KLF12: variants seen among roughly 807,000 people sequenced by gnomAD.
The protein encoded by KLF12 is Krueppel-like factor 12.
A neutral mutation model predicts 37.8 loss-of-function variants in KLF12; 9 were observed. That is an observed-to-expected ratio of 0.24 (90% CI 0.14 to 0.42). The LOEUF (loss-of-function observed/expected upper bound fraction) is 0.42. Ranked by LOEUF, KLF12 falls within the 10% of genes least tolerant of loss-of-function variation. KLF12 has a pLI of 1.00. For synonymous variants in KLF12, 208 were observed against 202.1 expected, an observed-to-expected ratio of 1.03 and a Z score of -0.25; for missense variants, 411 against 516.0, an observed-to-expected ratio of 0.80 and a Z score of 1.97.
the KLF12 span, among the ~76,000 whole-genome samples, chr13:74,142,466 G>A: frequency 6.6e-6 from 1 of 152,138 alleles, no homozygotes; most frequent in South Asian, 2.1e-4. Flanking sequence ...ATTTTTGTTG[G>A]GGTCAGTTTT....
intron 6 of KLF12, among the ~76,000 whole-genome samples, chr13:73,716,888 A>G (rs1257242720): frequency 6.6e-6 from 1 of 152,176 alleles, no homozygotes; most frequent in Non-Finnish European, 1.5e-5. Context: ...CTCCAAAATC[A>G]GAATGCTTCT....
chr13:74,251,403 C>T, the KLF12 span, among the ~76,000 whole-genome samples: 4 of 152,226 alleles, frequency 2.6e-5, no homozygotes, highest in East Asian at 7.7e-4. Flanking sequence ...ACCTTGGCCT[C>T]CCAAAGGGCT....
At chr13:73,940,353 C>T (rs1890133905) in intron 3 of KLF12, among the ~76,000 whole-genome samples, 1 of 152,194 alleles carries the variant, frequency 6.6e-6, no homozygotes, top group East Asian at 1.9e-4. Context: ...GCAAGAAAAC[C>T]GAAGTCACAT....
intron 3 of KLF12, among the ~76,000 whole-genome samples, chr13:73,889,702 A>G (rs1440603463): frequency 2.0e-5 from 3 of 152,110 alleles, no homozygotes; most frequent in African/African-American, 7.2e-5. Flanking sequence ...ATATATTTTT[A>G]AAGTATAAGC....
At chr13:74,039,319 G>A (rs1165994862) in intron 1 of KLF12, among the ~76,000 whole-genome samples, 1 of 152,038 alleles carries the variant, frequency 6.6e-6, no homozygotes, top group East Asian at 1.9e-4. Flanking sequence ...CAGGAGGAGT[G>A]CTTGAGTTCA....
chr13:73,984,056 G>C (rs1236338161), intron 2 of KLF12, among the ~76,000 whole-genome samples: 1 of 152,196 alleles, frequency 6.6e-6, no homozygotes, highest in Non-Finnish European at 1.5e-5. Context: ...GGAAAGAACA[G>C]GAACCAACAG....
chr13:74,275,799 T>TTCC, the KLF12 span, among the ~76,000 whole-genome samples: 23 of 72,008 alleles, frequency 3.2e-4, no homozygotes, highest in Non-Finnish European at 4.5e-4. Context: ...TCTTTCTTTC[T>TTCC]TTCTTTCCTT....
intron 2 of KLF12, among the ~76,000 whole-genome samples, chr13:73,986,357 T>C (rs376138580): frequency 4.1e-4 from 63 of 152,288 alleles, no homozygotes; most frequent in African/African-American, 1.4e-3. Context: ...TTTCTTCCAA[T>C]CACAAGAAGG....
the KLF12 span, among the ~76,000 whole-genome samples, chr13:74,217,187 G>T: frequency 6.6e-6 from 1 of 151,854 alleles, no homozygotes; most frequent in Non-Finnish European, 1.5e-5. Context: ...GTAAAGAAAA[G>T]GGTGGACTTT....
At position 73,803,386 on chromosome 13, in the gene KLF12, T is replaced by C. The variant is rs76023014; in HGVS notation, c.806+9766A>G. On this transcript the variant is annotated intron_variant, in intron 5 of 7. Transcript: ENST00000377669. ...GCTCTTCCTTTAGCTGTCCATGTGG[T>C]TTGACCTCCTACCCTTTCAAGTCTC... is the stretch of plus-strand genomic sequence containing the variant. Among the ~76,000 whole-genome samples, 1,307 of 152,264 alleles carry C rather than the reference T, an allele frequency of 8.6e-3. 20 individuals carry two copies. Among genetic ancestry groups the C allele is most frequent in the African/African-American group, 0.03 (1,232 of 41,550 alleles).
intron 4 of KLF12, among the ~76,000 whole-genome samples, chr13:73,844,000 CT>C (rs1884884830): frequency 6.6e-6 from 1 of 152,080 alleles, no homozygotes; most frequent in Non-Finnish European, 1.5e-5. Context: ...AAAAATCTCT[CT>C]CACAAAATGA....
At chr13:73,875,400 A>AAATCTC (rs1320646457) in intron 3 of KLF12, among the ~76,000 whole-genome samples, 1 of 152,178 alleles carries the variant, frequency 6.6e-6, no homozygotes, top group Non-Finnish European at 1.5e-5. Context: ...GAAAAATGTC[A>AAATCTC]AATCTCAAAA....
intron 2 of KLF12, among the ~76,000 whole-genome samples, chr13:73,991,526 A>C (rs961985103): frequency 2.0e-5 from 3 of 152,230 alleles, no homozygotes; most frequent in Non-Finnish European, 2.9e-5. Context: ...TTTTCACAAG[A>C]ATGTCCTTTT....
At chr13:73,998,111 T>G (rs1307869746) in intron 1 of KLF12, among the ~76,000 whole-genome samples, 1 of 152,172 alleles carries the variant, frequency 6.6e-6, no homozygotes, top group Non-Finnish European at 1.5e-5. Flanking sequence ...CAGTACACCC[T>G]GGACAACAGA....
At chr13:73,715,567 C>G in intron 6 of KLF12, 42 bp from the exon 7 acceptor site, 1 of 1,596,236 alleles carries the variant, frequency 6.3e-7, no homozygotes, top group Non-Finnish European at 8.6e-7. Flanking sequence ...AGATGCACAC[C>G]GCCCCATTTT....
At chr13:73,893,360 C>G (rs2139033702) in intron 3 of KLF12, among the ~76,000 whole-genome samples, 1 of 132,462 alleles carries the variant, frequency 7.5e-6, no homozygotes, top group East Asian at 2.3e-4. Flanking sequence ...ACTCAATCAA[C>G]AATATTGACT....
At chr13:74,216,236 T>C in the KLF12 span, among the ~76,000 whole-genome samples, 2 of 152,192 alleles carry the variant, frequency 1.3e-5, no homozygotes, top group African/African-American at 4.8e-5. Flanking sequence ...TTTTAAAAAG[T>C]CTTTTTAAAG....
chr13:74,099,836 TAA>T (rs5804717), intron 1 of KLF12, among the ~76,000 whole-genome samples: 1 of 152,090 alleles, frequency 6.6e-6, no homozygotes, highest in South Asian at 2.1e-4. Flanking sequence ...TCTTTTTATT[TAA>T]AAAAAAAGTG....
At chr13:74,065,333 A>C (rs76888409) in intron 1 of KLF12, among the ~76,000 whole-genome samples, 1 of 152,164 alleles carries the variant, frequency 6.6e-6, no homozygotes, top group African/African-American at 2.4e-5. Context: ...TCATGGTCAT[A>C]TTCAAAACAC....
Sources: gnomAD v4.1 joint callset for allele counts (sites outside exome capture counted in the v4.1 genomes callset) on GRCh38, gnomAD v4.1.1 for gene constraint, MANE v1.5 for transcripts, NCBI Gene and HGNC (gene_info 2026-07-23, HGNC 2026-07-21) for gene names.